The following AOX1 variants were observed in gnomAD, a reference collection of about 807,000 sequenced individuals.
AOX1 encodes the protein aldehyde oxidase 1, also known as aldehyde oxidase.
Under a neutral mutation model 169.5 loss-of-function variants are expected in AOX1, and 153 were observed. The ratio of observed to expected loss-of-function variants is 0.90; its 90% CI spans 0.79 to 1.03. The LOEUF (loss-of-function observed/expected upper bound fraction) is 1.03, where lower values mean the gene tolerates loss of function less well. AOX1 is among the 50% of genes least tolerant of loss of function. The pLI is 0.00. For missense variants in AOX1, 1,656 were observed against 1,663.9 expected (o/e 1.00, Z 0.08); for synonymous variants, 562 against 581.9 (o/e 0.97, Z 0.49).
chr2:200,610,657 G>T (rs1360966582), intron 12 of AOX1, among the ~76,000 whole-genome samples: 1 of 151,826 alleles, frequency 6.6e-6, no homozygotes, highest in Non-Finnish European at 1.5e-5. Context: ...GTATCTAGTG[G>T]GGTTCCTGGT....
chr2:200,678,853 C>T (rs1410124285), downstream of AOX1, among the ~76,000 whole-genome samples: 1 of 152,130 alleles, frequency 6.6e-6, no homozygotes, highest in Non-Finnish European at 1.5e-5. Flanking sequence ...CCTTGTACAG[C>T]TTACACTCTG....
At chr2:200,604,658 T>C (rs2034478082) in intron 8 of AOX1, 38 bp from the exon 9 acceptor site, 1 of 1,612,032 alleles carries the variant, frequency 6.2e-7, no homozygotes, top group South Asian at 1.1e-5. Context: ...GGAGATGGCA[T>C]CATTGGGTAC....
rs570985738 is a variant in AOX1, at chr2:200,650,332, T to C, written c.2848-642T>C. 2.6e-5 allele frequency among the ~76,000 whole-genome samples: 4 copies of C among 151,938 alleles called. No homozygotes were observed. In the East Asian group the frequency reaches 7.8e-4, roughly 29 times the overall value. On this transcript the variant is annotated intron_variant, in intron 25 of 34. Coordinates refer to ENST00000374700, the MANE Select transcript of AOX1 (RefSeq NM_001159.4). ...AATTTGCTTCGGAGGGTGGGGAGAG[T>C]GTGTCTGTGATGGCTCTGTCAGCTT... is the stretch of plus-strand genomic sequence containing the variant.
At chr2:200,657,867 G>A (rs1303101240) in intron 27 of AOX1, among the ~76,000 whole-genome samples, 1 of 152,082 alleles carries the variant, frequency 6.6e-6, no homozygotes, top group East Asian at 1.9e-4. Flanking sequence ...ATCATTATTT[G>A]GGAGTCTTTA....
intron 4 of AOX1, among the ~76,000 whole-genome samples, chr2:200,676,712 G>T (rs1047471708): frequency 6.6e-6 from 1 of 152,256 alleles, no homozygotes; most frequent in African/African-American, 2.4e-5. Flanking sequence ...TGCCATGAAA[G>T]TTCCAGGTTG....
Position 200,670,993 on chromosome 2 carries a change from T to C in AOX1, c.*314T>C, listed in dbSNP as rs2105780286. The C allele has an allele frequency of 6.8e-6, 2 of 292,850 alleles. No homozygotes were observed. Among genetic ancestry groups the C allele is most frequent in the South Asian group, 2.7e-4 (2 of 7,470 alleles). 18.1% of individuals were successfully genotyped at this position (292,850 alleles called of 1,614,324 possible). On this transcript the variant is annotated 3_prime_UTR_variant, in exon 35 of 35. Transcript: ENST00000374700. ...GTGATGACTTGCATGTGACTCCTACTTGGCTTCTATCCACCAACAGAAATT... is the reference window on the plus strand; with the variant it reads ...GTGATGACTTGCATGTGACTCCTACCTGGCTTCTATCCACCAACAGAAATT...
At chr2:200,588,526 A>G (rs1402593016) in intron 1 of AOX1, among the ~76,000 whole-genome samples, 1 of 152,030 alleles carries the variant, frequency 6.6e-6, no homozygotes, top group Non-Finnish European at 1.5e-5. Context: ...CTACGGACTC[A>G]CTTTGTCTAT....
Position 200,659,180 on chromosome 2 carries a change from T to C in AOX1, c.3187T>C (p.Leu1063=), listed in dbSNP as rs755381006. 6.2e-7 allele frequency: 1 copy of C among 1,613,872 alleles called. No individual in the cohort carries two copies. Among genetic ancestry groups the C allele is most frequent in the Non-Finnish European group, 8.5e-7 (1 of 1,179,884 alleles). Reference sequence around the variant, plus strand: ...TAAAATTCAGGTGGTCAGCCGTGAATTAAGAATGCCAATGTCGAATGTCCA... The same window carrying C: ...TAAAATTCAGGTGGTCAGCCGTGAACTAAGAATGCCAATGTCGAATGTCCA... The part of the protein sequence containing the change: ...TKMIQVVSRE[L]RMPMSNVHLR... The change falls in exon 28 of 35, where the codon TTA becomes CTA. Residue 1063 remains leucine, a synonymous_variant. Coordinates refer to ENST00000374700, the MANE Select transcript of AOX1 (RefSeq NM_001159.4).
At chr2:200,650,901 G>T (rs750159053) in intron 25 of AOX1, 73 bp from the exon 26 acceptor site, 1 of 1,406,322 alleles carries the variant, frequency 7.1e-7, no homozygotes, top group Non-Finnish European at 9.9e-7. Flanking sequence ...AATTTGACCA[G>T]GAGGATGGTG....
At chr2:200,634,683 C>T in intron 20 of AOX1, 108 bp from the exon 21 acceptor site, 1 of 1,346,146 alleles carries the variant, frequency 7.4e-7, no homozygotes, top group Non-Finnish European at 1.0e-6. Context: ...TCACTGTGCC[C>T]AGCAGAAGTA....
intron 31 of AOX1, 152 bp from the exon 32 acceptor site, chr2:200,666,535 T>C (rs1295995879): frequency 1.3e-5 from 6 of 465,544 alleles, no homozygotes; most frequent in Non-Finnish European, 2.2e-5. Context: ...ATAAACTTTG[T>C]CCTATAATAA....
rs770755070 is a variant in AOX1, at chr2:200,621,200, CCTT to C, written c.1958_1960del (p.Phe653del). The C allele has an allele frequency of 2.9e-5, 46 of 1,613,956 alleles. No individual in the cohort carries two copies. Among genetic ancestry groups the C allele is most frequent in the African/African-American group, 2.1e-4 (16 of 74,930 alleles). On this transcript the variant is annotated inframe_deletion, in exon 18 of 35. Coordinates refer to ENST00000374700, the MANE Select transcript of AOX1 (RefSeq NM_001159.4). ...GCAGAACATCTTAGTGACGTCAACT[CCTT>C]CTGCTTTTTTACTGAAGCTGAGAAA...
chr2:200,604,039 AAG>A lies in AOX1; in HGVS notation c.614_615del (p.Glu205GlyfsTer16). Reference sequence around the variant, plus strand: ...TAGACAAGTCCAAAACTCTTCGCAGAAGAGGAGTTTCTGCCATTGGATCCAAC... The same window carrying A: ...TAGACAAGTCCAAAACTCTTCGCAGAAGGAGTTTCTGCCATTGGATCCAAC... On this transcript the variant is annotated frameshift_variant, in exon 8 of 35. Transcript: ENST00000374700. LOFTEE classifies it high-confidence loss of function. 1 of 1,613,134 alleles carries A rather than the reference AAG, an allele frequency of 6.2e-7. No individual in the cohort carries two copies. Among genetic ancestry groups the A allele is most frequent in the East Asian group, 2.2e-5 (1 of 44,862 alleles).
chr2:200,617,385 G>A (rs1181275370), intron 16 of AOX1, among the ~76,000 whole-genome samples: 1 of 147,232 alleles, frequency 6.8e-6, no homozygotes, highest in African/African-American at 2.5e-5. Flanking sequence ...TGAGGAGACA[G>A]CATTCTTCCT....
chr2:200,662,760 C>A, intron 30 of AOX1, 95 bp from the exon 31 acceptor site: 1 of 902,202 alleles, frequency 1.1e-6, no homozygotes, highest in Non-Finnish European at 1.9e-6. Flanking sequence ...CAGGTATATT[C>A]CTGTGGCTTG....
At chr2:200,591,076 AT>A (rs1277496359) in intron 1 of AOX1, among the ~76,000 whole-genome samples, 1 of 152,172 alleles carries the variant, frequency 6.6e-6, no homozygotes, top group Non-Finnish European at 1.5e-5. Context: ...TCTATGAGAA[AT>A]TCCTTCCTTC....
chr2:200,667,908 T>C lies in AOX1; in HGVS notation c.3610-707T>C, dbSNP rs1394629761. Reference sequence around the variant, plus strand: ...GAGACAATGGGATTGTAGCATTCACTAGCACCCTGGGGTCTCTGGACACAT... The same window carrying C: ...GAGACAATGGGATTGTAGCATTCACCAGCACCCTGGGGTCTCTGGACACAT... On this transcript the variant is annotated intron_variant, in intron 32 of 34. Coordinates refer to ENST00000374700, the MANE Select transcript of AOX1 (RefSeq NM_001159.4). 2.0e-5 allele frequency among the ~76,000 whole-genome samples: 3 copies of C among 152,158 alleles called. No individual in the cohort carries two copies. In the South Asian group the frequency reaches 6.2e-4, roughly 32 times the overall value.
chr2:200,612,505 A>C (rs1413858327), intron 13 of AOX1, 104 bp from the exon 14 acceptor site: 1 of 1,187,954 alleles, frequency 8.4e-7, no homozygotes, highest in Non-Finnish European at 1.2e-6. Flanking sequence ...CACTCAACAC[A>C]CACAGACTGC....
intron 16 of AOX1, among the ~76,000 whole-genome samples, chr2:200,616,420 A>T (rs923431733): frequency 1.3e-5 from 2 of 152,256 alleles, no homozygotes; most frequent in South Asian, 4.1e-4. Context: ...CGGCAAGGCC[A>T]TGGGCTGCTT....
Sources: gnomAD v4.1 joint callset for allele counts (sites outside exome capture counted in the v4.1 genomes callset) on GRCh38, gnomAD v4.1.1 for gene constraint, MANE v1.5 for transcripts, NCBI Gene and HGNC (gene_info 2026-07-23, HGNC 2026-07-21) for gene names.